The following CPE variants were observed in gnomAD, a reference collection of about 807,000 sequenced individuals.
The protein encoded by CPE is carbocypeptidase E.
A neutral mutation model predicts 53.5 loss-of-function variants in CPE; 17 were observed. The observed-to-expected ratio is 0.32, with a 90% CI of 0.22 to 0.48. CPE has a LOEUF of 0.48. CPE is among the 20% of genes least tolerant of loss of function. CPE has a pLI of 0.99. For synonymous variants in CPE, 226 were observed against 228.8 expected, an observed-to-expected ratio of 0.99 and a Z score of 0.11; for missense variants, 524 against 614.7, an observed-to-expected ratio of 0.85 and a Z score of 1.56.
intron 1 of CPE, among the ~76,000 whole-genome samples, chr4:165,390,258 G>A (rs1730659316): frequency 6.6e-6 from 1 of 152,126 alleles, no homozygotes. Context: ...TAGGCTGGTC[G>A]TGTTTCTTGT....
At chr4:165,495,493 A>T in intron 7 of CPE, 66 bp from the exon 8 acceptor site, 1 of 1,061,260 alleles carries the variant, frequency 9.4e-7, no homozygotes, top group Non-Finnish European at 1.4e-6. Context: ...TAGATGGCAT[A>T]ATTATGCATT....
intron 1 of CPE, among the ~76,000 whole-genome samples, chr4:165,402,386 C>T (rs568406768): frequency 3.3e-5 from 5 of 152,088 alleles, no homozygotes; most frequent in Non-Finnish European, 5.9e-5. Context: ...TGATTCTGGC[C>T]GGTTACATGA....
chr4:165,477,119 A>G (rs1732318033), intron 3 of CPE, among the ~76,000 whole-genome samples: 1 of 152,198 alleles, frequency 6.6e-6, no homozygotes, highest in African/African-American at 2.4e-5. Flanking sequence ...ACTCAGGTTG[A>G]CAGGATATTT....
intron 1 of CPE, among the ~76,000 whole-genome samples, chr4:165,448,996 G>T (rs1307476537): frequency 6.6e-6 from 1 of 152,190 alleles, no homozygotes; most frequent in Admixed American, 6.5e-5. Flanking sequence ...GTAAAACGCA[G>T]ATGAAAAGAG....
chr4:165,471,936 A>G (rs1732214492), intron 3 of CPE, among the ~76,000 whole-genome samples: 1 of 152,228 alleles, frequency 6.6e-6, no homozygotes, highest in South Asian at 2.1e-4. Flanking sequence ...ACAGATTACT[A>G]TTGCACTTAT....
At chr4:165,408,951 A>C (rs1237634671) in intron 1 of CPE, among the ~76,000 whole-genome samples, 1 of 152,240 alleles carries the variant, frequency 6.6e-6, no homozygotes, top group African/African-American at 2.4e-5. Context: ...AAGTTTCTGC[A>C]GGACACATTA....
chr4:165,403,573 T>G (rs1730903431), intron 1 of CPE, among the ~76,000 whole-genome samples: 1 of 152,224 alleles, frequency 6.6e-6, no homozygotes, highest in Non-Finnish European at 1.5e-5. Context: ...AAATTTAAAT[T>G]GTAACATATG....
intron 1 of CPE, among the ~76,000 whole-genome samples, chr4:165,451,479 A>ATTATTTATTTAT (rs200432846): frequency 6.4e-4 from 96 of 150,462 alleles, no homozygotes; most frequent in East Asian, 2.8e-3. Flanking sequence ...AGGTTTTATT[A>ATTATTTATTTAT]TTATTTATTT....
Position 165,439,303 on chromosome 4 carries a change from T to G in CPE, c.308-25087T>G, listed in dbSNP as rs915722629. 3.9e-5 allele frequency among the ~76,000 whole-genome samples: 6 copies of G among 152,130 alleles called. No individual in the cohort carries two copies. The East Asian group carries it at 1.2e-3, about 29-fold the overall frequency. ...GGTTGAGCCAACTTTAAAATTTTAG[T>G]AAGGCAGCAAAAAGATCACGTGAAA... On this transcript the variant is annotated intron_variant, in intron 1 of 8. Coordinates refer to ENST00000402744, the MANE Select transcript of CPE (RefSeq NM_001873.4).
intron 3 of CPE, among the ~76,000 whole-genome samples, chr4:165,469,981 T>C (rs1055394068): frequency 6.6e-6 from 1 of 152,202 alleles, no homozygotes; most frequent in Non-Finnish European, 1.5e-5. Flanking sequence ...ATGGGATTCA[T>C]TGCAGAAACA....
At chr4:165,411,737 G>A (rs1163066907) in intron 1 of CPE, among the ~76,000 whole-genome samples, 4 of 152,148 alleles carry the variant, frequency 2.6e-5, no homozygotes, top group African/African-American at 7.2e-5. Context: ...AGTGATTAAT[G>A]CAATAAAAAA....
chr4:165,473,722 G>A (rs1732247106), intron 3 of CPE, among the ~76,000 whole-genome samples: 2 of 151,868 alleles, frequency 1.3e-5, no homozygotes, highest in Non-Finnish European at 2.9e-5. Flanking sequence ...CTTTTCTTTT[G>A]GAAGGAGGAG....
At chr4:165,481,607 G>A (rs918220092) in intron 3 of CPE, among the ~76,000 whole-genome samples, 1 of 152,106 alleles carries the variant, frequency 6.6e-6, no homozygotes, top group Non-Finnish European at 1.5e-5. Context: ...GATATGAGGG[G>A]CAGTGAATCA....
intron 8 of CPE, among the ~76,000 whole-genome samples, chr4:165,495,968 G>A (rs959590173): frequency 6.6e-6 from 1 of 151,832 alleles, no homozygotes; most frequent in African/African-American, 2.4e-5. Flanking sequence ...TGTTTCATTT[G>A]CCTTTTTATC....
At position 165,392,438 on chromosome 4, in the gene CPE, G is replaced by A. The variant is rs1171205280; in HGVS notation, c.307+12910G>A. ...TCTTTGGGTATTAATGAGAGTGGGA[G>A]TCCAGAGCCTAGCATATATGTAATA... On this transcript the variant is annotated intron_variant, in intron 1 of 8. Transcript: ENST00000402744. Among the ~76,000 whole-genome samples, 9 of 144,576 alleles carry A rather than the reference G, an allele frequency of 6.2e-5. No individual in the cohort carries two copies. The East Asian group carries it at 1.8e-3, about 28-fold the overall frequency. 94.8% of individuals were successfully genotyped at this position (144,576 alleles called of 152,430 possible). A position where few individuals can be genotyped will look rare whatever the true frequency, so the allele number is the denominator to read the frequency against.
chr4:165,407,100 T>C (rs141353617), intron 1 of CPE, among the ~76,000 whole-genome samples: 3 of 152,348 alleles, frequency 2.0e-5, no homozygotes, highest in African/African-American at 7.2e-5. Context: ...CTTTTAGGTA[T>C]GAACCTAGCA....
intron 3 of CPE, among the ~76,000 whole-genome samples, chr4:165,475,706 A>G (rs976664916): frequency 1.3e-5 from 2 of 152,218 alleles, no homozygotes; most frequent in African/African-American, 4.8e-5. Flanking sequence ...AGGAAACCCC[A>G]GACATTGCAG....
chr4:165,396,607 G>A (rs570002591), intron 1 of CPE, among the ~76,000 whole-genome samples: 1 of 150,930 alleles, frequency 6.6e-6, no homozygotes, highest in African/African-American at 2.4e-5. Context: ...GGAGGTGGAG[G>A]TTGCAGTGAG....
chr4:165,388,624 A>G (rs10008303), intron 1 of CPE, among the ~76,000 whole-genome samples: 93 of 152,320 alleles, frequency 6.1e-4, no homozygotes, highest in African/African-American at 2.2e-3. Flanking sequence ...ACATTACTTG[A>G]TTCTGCGTAA....
Sources: allele counts gnomAD v4.1 joint callset (sites outside exome capture counted in the v4.1 genomes callset), GRCh38; gene constraint gnomAD v4.1.1; transcripts MANE v1.5; gene names NCBI Gene and HGNC (gene_info 2026-07-23, HGNC 2026-07-21).